ARMC3: variants seen among roughly 807,000 people sequenced by gnomAD.
The protein encoded by ARMC3 is armadillo repeat-containing protein 3.
A neutral mutation model predicts 90.3 loss-of-function variants in ARMC3; 74 were observed. The observed-to-expected ratio is 0.82, with a 90% confidence interval of 0.68 to 0.99. The LOEUF (loss-of-function observed/expected upper bound fraction) is 0.99. ARMC3 is among the 50% of genes least tolerant of loss of function. ARMC3 has a pLI of 0.00. For synonymous variants in ARMC3, 334 were observed against 361.8 expected, an observed-to-expected ratio of 0.92 and a Z score of 0.87; for missense variants, 958 against 1,042.8, an observed-to-expected ratio of 0.92 and a Z score of 1.12.
intron 2 of ARMC3, among the ~76,000 whole-genome samples, chr10:22,944,101 T>C (rs1834427880): frequency 6.6e-6 from 1 of 152,172 alleles, no homozygotes; most frequent in Admixed American, 6.5e-5. Context: ...TTTAAGAGTG[T>C]ATGGTTGATA....
chr10:22,932,826 T>TG (rs1449772405), intron 2 of ARMC3, among the ~76,000 whole-genome samples: 3 of 152,214 alleles, frequency 2.0e-5, no homozygotes, highest in Non-Finnish European at 2.9e-5. Flanking sequence ...GTTAAGACAC[T>TG]GGGGGCCTTG....
chr10:22,982,613 G>A (rs973093330), intron 10 of ARMC3, among the ~76,000 whole-genome samples: 17 of 152,336 alleles, frequency 1.1e-4, no homozygotes, highest in African/African-American at 3.8e-4. Context: ...ATGCAGGTCT[G>A]TCAGACTCCA....
chr10:22,978,891 T>C (rs1265859048), intron 8 of ARMC3, among the ~76,000 whole-genome samples: 1 of 152,234 alleles, frequency 6.6e-6, no homozygotes, highest in African/African-American at 2.4e-5. Context: ...GCATTGTCAT[T>C]GTATGTCAGA....
At chr10:22,980,189 A>C (rs1836123138) in intron 8 of ARMC3, among the ~76,000 whole-genome samples, 1 of 152,222 alleles carries the variant, frequency 6.6e-6, no homozygotes, top group African/African-American at 2.4e-5. Flanking sequence ...AATTATTATC[A>C]GCATTTTTTT....
chr10:23,009,105 G>A (rs749802024), intron 16 of ARMC3, among the ~76,000 whole-genome samples, 174 bp downstream of exon 16: 1 of 152,206 alleles, frequency 6.6e-6, no homozygotes, highest in Admixed American at 6.5e-5. Context: ...AAACTTACCC[G>A]GAGAGAATTG....
intron 10 of ARMC3, among the ~76,000 whole-genome samples, chr10:22,983,805 G>A (rs1400058271): frequency 1.3e-5 from 2 of 152,200 alleles, no homozygotes; most frequent in African/African-American, 4.8e-5. Flanking sequence ...GCCTCCTTGA[G>A]TTTAATTAGT....
At chr10:23,028,223 C>T (rs1430367315) in intron 16 of ARMC3, among the ~76,000 whole-genome samples, 1 of 152,182 alleles carries the variant, frequency 6.6e-6, no homozygotes, top group Non-Finnish European at 1.5e-5. Context: ...GTTCTATCTT[C>T]AACATTGGCT....
intron 16 of ARMC3, 111 bp from the exon 17 acceptor site, chr10:23,030,485 C>CAA (rs1838879605): frequency 4.7e-6 from 7 of 1,477,850 alleles, no homozygotes; most frequent in Non-Finnish European, 6.3e-6. Flanking sequence ...TCATGTTGCT[C>CAA]AAGGGTTCAC....
chr10:22,971,076 C>T (rs1471838664), intron 8 of ARMC3, among the ~76,000 whole-genome samples: 3 of 152,126 alleles, frequency 2.0e-5, no homozygotes, highest in Non-Finnish European at 4.4e-5. Context: ...TCCTGGCAAC[C>T]ACTATTCTTT....
At chr10:22,960,059 G>C (rs915053646) in intron 6 of ARMC3, 1 of 310,656 alleles carries the variant, frequency 3.2e-6, no homozygotes, top group African/African-American at 2.2e-5. Context: ...CTACCTCACT[G>C]TGCTGTTTTC....
At chr10:22,945,766 A>G (rs1834502046) in intron 2 of ARMC3, among the ~76,000 whole-genome samples, 1 of 152,218 alleles carries the variant, frequency 6.6e-6, no homozygotes, top group African/African-American at 2.4e-5. Context: ...TGCTTTACAT[A>G]CATGACCTCT....
chr10:23,008,439 T>A (rs187489728), intron 15 of ARMC3, 65 bp downstream of exon 15: 4 of 860,050 alleles, frequency 4.7e-6, no homozygotes, highest in Non-Finnish European at 7.3e-6. Context: ...TGAAAAAATG[T>A]TTTAGATTTT....
At chr10:23,002,392 CTG>C (rs930560342) in intron 12 of ARMC3, among the ~76,000 whole-genome samples, 2 of 152,198 alleles carry the variant, frequency 1.3e-5, no homozygotes, top group Non-Finnish European at 2.9e-5. Flanking sequence ...AATGGGCGAG[CTG>C]TGTCTATCAC....
At position 23,012,891 on chromosome 10, in the gene ARMC3, T is replaced by TC. The variant is rs775204406; in HGVS notation, c.2045+3960_2045+3961insC. ...CCCCCAGAGGTGCTAGCCCCCACCT[T>TC]TTTTTTTTTTTTTTTTGAGACAGAG... On this transcript the variant is annotated intron_variant, in intron 16 of 18. Transcript: ENST00000298032. 4.3e-3 allele frequency among the ~76,000 whole-genome samples: 594 copies of TC among 138,950 alleles called. 28 individuals are homozygous for TC. Among genetic ancestry groups the TC allele is most frequent in the Middle Eastern group, 0.011 (3 of 272 alleles). 91.2% of individuals were successfully genotyped at this position (138,950 alleles called of 152,430 possible).
chr10:22,961,882 A>G lies in ARMC3; in HGVS notation c.538-2A>G. 3.1e-6 allele frequency: 5 copies of G among 1,590,742 alleles called. No individual in the cohort carries two copies. The highest frequency in any genetic ancestry group is 4.3e-6 in the Non-Finnish European group (5 of 1,172,176). On this transcript the variant is annotated splice_acceptor_variant, in intron 6 of 18. Transcript: ENST00000298032. LOFTEE classifies it high-confidence loss of function. Reference sequence around the variant, plus strand: ...TTATTGATCATCTGTATTTTGTGGCAGGATTTTCAGTGTCGAGCTAAACTT... The same window carrying G: ...TTATTGATCATCTGTATTTTGTGGCGGGATTTTCAGTGTCGAGCTAAACTT...
chr10:22,931,865 T>G (rs562047575), intron 1 of ARMC3, 131 bp from the exon 2 acceptor site: 33 of 692,866 alleles, frequency 4.8e-5, no homozygotes, highest in Admixed American at 1.3e-4. Flanking sequence ...TGTGATAATT[T>G]TTACATGTAT....
chr10:22,968,532 C>T, intron 8 of ARMC3, 43 bp downstream of exon 8: 1 of 1,488,826 alleles, frequency 6.7e-7, no homozygotes, highest in South Asian at 1.4e-5. Context: ...TAGGATCTTG[C>T]TCTGTTTCTC....
chr10:22,928,292 C>T (rs967039334), intron 1 of ARMC3, among the ~76,000 whole-genome samples, 186 bp downstream of exon 1: 8 of 152,120 alleles, frequency 5.3e-5, no homozygotes, highest in Non-Finnish European at 8.8e-5. Context: ...GTAAGCATCC[C>T]GCCACCTCCC....
intron 16 of ARMC3, among the ~76,000 whole-genome samples, chr10:23,017,507 G>T (rs1020936477): frequency 1.3e-5 from 2 of 152,228 alleles, no homozygotes; most frequent in African/African-American, 4.8e-5. Context: ...GCTCACACCT[G>T]TAATCCCAAC....
Sources: gnomAD v4.1 joint callset for allele counts (sites outside exome capture counted in the v4.1 genomes callset) on GRCh38, gnomAD v4.1.1 for gene constraint, MANE v1.5 for transcripts, NCBI Gene and HGNC (gene_info 2026-07-23, HGNC 2026-07-21) for gene names.